TLN1: variants seen among roughly 807,000 people sequenced by gnomAD.
TLN1 encodes talin-1.
Under a neutral mutation model 292.3 loss-of-function variants are expected in TLN1, and 56 were observed. That is an observed-to-expected ratio of 0.19 (90% CI 0.15 to 0.24). TLN1 has a LOEUF of 0.24. Among genes scored for constraint, TLN1 ranks in the 10% least tolerant of loss-of-function variants. The pLI, the probability that TLN1 is intolerant of heterozygous loss-of-function variation, is 1.00. For synonymous variants in TLN1, 1,119 were observed against 1,253.7 expected, an observed-to-expected ratio of 0.89 and a Z score of 2.27; for missense variants, 2,433 against 3,248.2, an observed-to-expected ratio of 0.75 and a Z score of 6.10.
chr9:35,707,937 T>A lies in TLN1; in HGVS notation c.4471-45A>T. On this transcript the variant is annotated intron_variant, in intron 34 of 56. Coordinates refer to ENST00000314888, the MANE Select transcript of TLN1 (RefSeq NM_006289.4). The surrounding 1 kb of genome is among the most constrained non-coding windows in gnomAD (Gnocchi z 5.6). ...AGCCACGATGAGGGCAGGAAGGAGGTGTACATACCCAAGGAGGAGCCATTT... is the reference window on the plus strand; with the variant it reads ...AGCCACGATGAGGGCAGGAAGGAGGAGTACATACCCAAGGAGGAGCCATTT... 6.3e-7 allele frequency: 1 copy of A among 1,599,950 alleles called. No individual in the cohort carries two copies. The highest frequency in any genetic ancestry group is 8.5e-7 in the Non-Finnish European group (1 of 1,170,208).
rs1314310484 is a variant in TLN1, at chr9:35,697,840, C to T, written c.7577G>A (p.Arg2526Gln). 1.9e-6 allele frequency: 3 copies of T among 1,614,136 alleles called. No homozygotes were observed. The Admixed American group carries it at 5.0e-5, about 27-fold the overall frequency. ...EEARKKLAQI[R>Q]QQQYKFLPSE... ...AGGCAGAAACTTGTACTGCTGCTGC[C>T]GGATCTGGGCCAGTTTCTTCCGCGC... The change falls in exon 57 of 57, where the codon CGG (arginine) becomes CAG (glutamine). Residue 2526 changes from arginine to glutamine, a missense_variant. By Grantham distance (43) the Arg-to-Gln change is conservative. Transcript: ENST00000314888.
chr9:35,727,834 C>T (rs1406499167), intron 1 of TLN1, among the ~76,000 whole-genome samples: 2 of 152,102 alleles, frequency 1.3e-5, no homozygotes, highest in African/African-American at 4.8e-5. Flanking sequence ...GGTGAGACCC[C>T]GATAAGGGAG....
In TLN1 at chr9:35,705,640, G is replaced by A. The variant is rs140269045; in HGVS notation, c.5644C>T (p.Leu1882=). 260 of 1,608,626 alleles carry A rather than the reference G, an allele frequency of 1.6e-4. No homozygotes were observed. In the African/African-American group the frequency reaches 3.0e-3, roughly 19 times the overall value. ...VTKSNTSPEE[L]GPLANQLTSD... is the part of the protein sequence containing the mutation. ...GTCAGCTGGTTAGCAAGAGGGCCCA[G>A]CTCCTCTGGGCTGGTGTTTGACTTG... Residue 1882 remains leucine, a synonymous_variant, in exon 43 of 57, where the codon CTG becomes TTG. Transcript: ENST00000314888.
Position 35,717,230 on chromosome 9 carries a change from C to A in TLN1, c.2374G>T (p.Ala792Ser), listed in dbSNP as rs908301461. 4 of 1,614,080 alleles carry A rather than the reference C, an allele frequency of 2.5e-6. No homozygotes were observed. Among genetic ancestry groups the A allele is most frequent in the Non-Finnish European group, 3.4e-6 (4 of 1,180,032 alleles). Residue 792 changes from alanine (A) to serine (S), a missense_variant, in exon 19 of 57, where the codon GCT becomes TCT. Physicochemically the swap from Ala to Ser is moderately conservative, Grantham distance 99. This residue lies in a region of TLN1 where 617 missense variants were observed against 770.6 expected (regional missense o/e 0.80). Coordinates refer to ENST00000314888, the MANE Select transcript of TLN1 (RefSeq NM_006289.4). The surrounding 1 kb of genome is among the most constrained non-coding windows in gnomAD (Gnocchi z 4.7). ...TGGTCATAACGGCCAGCAGGCCCAG[C>A]CCCTGTGGCATGGGCTTTCACATGC... The part of the protein sequence containing the change: ...LQHVKAHATG[A>S]GPAGRYDQAT...
intron 33 of TLN1, among the ~76,000 whole-genome samples, chr9:35,709,654 C>T (rs964172804): frequency 7.3e-5 from 11 of 151,154 alleles, no homozygotes; most frequent in South Asian, 2.1e-4. Context: ...TTTGGGAGGT[C>T]GAGACGGGCG....
In TLN1 at chr9:35,697,775, A is replaced by C. The variant is rs1403018683; in HGVS notation, c.*16T>G. The C allele has an allele frequency of 1.9e-6, 3 of 1,613,610 alleles. No homozygotes were observed. Among genetic ancestry groups the C allele is most frequent in the African/African-American group, 1.3e-5 (1 of 74,892 alleles). ...CAGTCTCTGGGCCGGGTCTGCATTA[A>C]ATAGAAGAGGCTTCTTTAGTGCTCA... On this transcript the variant is annotated 3_prime_UTR_variant, in exon 57 of 57. Transcript: ENST00000314888.
chr9:35,702,803 A>C (rs1825489571), intron 48 of TLN1, among the ~76,000 whole-genome samples: 1 of 151,994 alleles, frequency 6.6e-6, no homozygotes, highest in Non-Finnish European at 1.5e-5. Context: ...GTGAGCCACC[A>C]TGCCCAGCAG....
intron 27 of TLN1, 107 bp downstream of exon 27, chr9:35,712,728 A>G: frequency 3.3e-6 from 3 of 922,462 alleles, no homozygotes; most frequent in Non-Finnish European, 5.0e-6. Context: ...ACCCAAGAAG[A>G]CATCACTCTG....
intron 1 of TLN1, among the ~76,000 whole-genome samples, chr9:35,727,715 C>G (rs1826001992): frequency 6.6e-6 from 1 of 152,156 alleles, no homozygotes; most frequent in African/African-American, 2.4e-5. Context: ...TCTGTGGAGC[C>G]AAGAAGCAGG....
At chr9:35,703,943 C>A (rs548497188) in intron 46 of TLN1, 43 bp from the exon 47 acceptor site, 3 of 1,613,386 alleles carry the variant, frequency 1.9e-6, no homozygotes, top group South Asian at 2.2e-5. Flanking sequence ...GAGGAAGAAG[C>A]GGGACAGGAA....
rs147652402 is a variant in TLN1 at position 35,712,077 on chromosome 9, T to G, written c.3609A>C (p.Leu1203=). The change falls in exon 28 of 57, where the codon CTA becomes CTC. Residue 1203 remains leucine, a synonymous_variant. Transcript: ENST00000314888. ...TQALNRCVSC[L]PGQRDVDNAL... is the part of the protein sequence containing the mutation. ...CATTATCCACATCGCGCTGGCCAGG[T>G]AGGCAGCTGACACAGCGGTTCAGAG... The G allele has an allele frequency of 1.2e-5, 20 of 1,613,924 alleles. No individual in the cohort carries two copies. The African/African-American group carries it at 2.4e-4, about 19-fold the overall frequency.
rs746403233 is a variant in TLN1 at position 35,725,597 on chromosome 9, C to T, written c.98G>A (p.Arg33His). 3.0e-5 allele frequency: 49 copies of T among 1,613,832 alleles called. No homozygotes were observed. Among genetic ancestry groups the T allele is most frequent in the East Asian group, 2.7e-4 (12 of 44,866 alleles). The stretch of plus-strand genomic sequence containing the variant: ...AGCTGGGGCCTCTGGGATCCGCTCA[C>T]GAATGATGCGGCAGGCGTCGTACAC... ...TMVYDACRII[R>H]ERIPEAPAGP... The change falls in exon 2 of 57, where the codon CGT (arginine) becomes CAT (histidine). Residue 33 changes from arginine to histidine, a missense_variant. Arg to His is a conservative substitution (Grantham distance 29). Coordinates refer to ENST00000314888, the MANE Select transcript of TLN1 (RefSeq NM_006289.4).
chr9:35,706,095 T>G lies in TLN1; in HGVS notation c.5378A>C (p.Gln1793Pro). 6.2e-7 allele frequency: 1 copy of G among 1,614,182 alleles called. No homozygotes were observed. The highest frequency in any genetic ancestry group is 8.5e-7 in the Non-Finnish European group (1 of 1,180,026). The part of the protein sequence containing the change: ...GGNPKQAAHT[Q>P]EALEEAVQMM... ...CTGCACAGCCTCCTCCAGGGCTTCC[T>G]GGGTGTGAGCTGCTTGCTGTGGGGA... The change falls in exon 41 of 57, where the codon CAG (glutamine) becomes CCG (proline). Residue 1793 changes from glutamine (Q) to proline (P), a missense_variant. Physicochemically the swap from Gln to Pro is moderately conservative, Grantham distance 76. Transcript: ENST00000314888. The surrounding 1 kb of genome is among the most constrained non-coding windows in gnomAD (Gnocchi z 4.2).
chr9:35,720,725 A>C, intron 11 of TLN1, 87 bp downstream of exon 11: 1 of 1,345,116 alleles, frequency 7.4e-7, no homozygotes, highest in Non-Finnish European at 1.1e-6. Context: ...TCCCAGGTTC[A>C]AGCAATCTGA....
Position 35,717,131 on chromosome 9 carries a change from G to A in TLN1, c.2458+15C>T, listed in dbSNP as rs926132027. 1.3e-6 allele frequency: 2 copies of A among 1,579,128 alleles called. No homozygotes were observed. The highest frequency in any genetic ancestry group is 2.3e-5 in the South Asian group (2 of 87,740). ...CTGGTAGGGTTTTTTGTTTTCCTGG[G>A]GGTGCGTGTCTTACCAGCATCACCC... On this transcript the variant is annotated intron_variant, in intron 19 of 56. Coordinates refer to ENST00000314888, the MANE Select transcript of TLN1 (RefSeq NM_006289.4). This position sits in a 1 kb window ranked among gnomAD's most constrained non-coding sequence, Gnocchi z 4.7.
At position 35,717,597 on chromosome 9, in the gene TLN1, T is replaced by G. The variant is rs543297064; in HGVS notation, c.2163+22A>C. The G allele has an allele frequency of 6.5e-5, 104 of 1,599,866 alleles. 1 individual carries two copies. In the South Asian group the frequency reaches 1.1e-3, roughly 17 times the overall value. ...GGTAGTATTACCCCTCAGCACGGACTAGAGCAACCTTTGGGGCTCACCTTA... is the reference window on the plus strand; with the variant it reads ...GGTAGTATTACCCCTCAGCACGGACGAGAGCAACCTTTGGGGCTCACCTTA... On this transcript the variant is annotated intron_variant, in intron 18 of 56. Transcript: ENST00000314888. This position sits in a 1 kb window ranked among gnomAD's most constrained non-coding sequence, Gnocchi z 4.7.
At chr9:35,720,988 C>T in intron 10 of TLN1, 75 bp from the exon 11 acceptor site, 1 of 1,158,986 alleles carries the variant, frequency 8.6e-7, no homozygotes, top group Non-Finnish European at 1.3e-6. Context: ...ATGGGAGGCC[C>T]AAGGTTGAGC....
Position 35,698,958 on chromosome 9 carries a change from A to G in TLN1, c.7000-25T>C. 6.2e-7 allele frequency: 1 copy of G among 1,611,678 alleles called. No homozygotes were observed. The highest frequency in any genetic ancestry group is 8.5e-7 in the Non-Finnish European group (1 of 1,177,840). ...CCTGCAATAAGCGAAGGTTGCAGAA[A>G]GAGATGTAAAGTCAGAGATGAAGGT... On this transcript the variant is annotated intron_variant, in intron 52 of 56. Transcript: ENST00000314888. This position sits in a 1 kb window ranked among gnomAD's most constrained non-coding sequence, Gnocchi z 5.3.
intron 1 of TLN1, among the ~76,000 whole-genome samples, chr9:35,730,420 C>T (rs1377057030): frequency 6.6e-6 from 1 of 151,598 alleles, no homozygotes; most frequent in East Asian, 1.9e-4. Flanking sequence ...TTCCTCTTTT[C>T]TGTTGGGGAG....
Sources: gnomAD v4.1 joint callset for allele counts (sites outside exome capture counted in the v4.1 genomes callset) on GRCh38, gnomAD v4.1.1 for gene constraint, gnomAD v4.1.1 regional missense constraint, Gnocchi (gnomAD v3.1) non-coding constraint, MANE v1.5 for transcripts, NCBI Gene and HGNC (gene_info 2026-07-23, HGNC 2026-07-21) for gene names.